OPCML: variants seen among roughly 807,000 people sequenced by gnomAD.
OPCML encodes opioid-binding protein/cell adhesion molecule.
OPCML carries 13 observed loss-of-function variants against 37.8 expected under a neutral mutation model. The observed-to-expected ratio is 0.34, with a 90% confidence interval of 0.22 to 0.55. The LOEUF is 0.55. Among genes scored for constraint, OPCML ranks in the 20% least tolerant of loss-of-function variants. The probability of loss-of-function intolerance (pLI) is 0.91; values close to 1 mark genes in which losing one functional copy is unlikely to be tolerated. For synonymous variants in OPCML, 176 were observed against 168.8 expected, an observed-to-expected ratio of 1.04 and a Z score of -0.33; for missense variants, 341 against 435.6, an observed-to-expected ratio of 0.78 and a Z score of 1.93.
intron 1 of OPCML, among the ~76,000 whole-genome samples, chr11:133,312,309 A>G (rs960150042): frequency 6.6e-6 from 1 of 152,196 alleles, no homozygotes; most frequent in South Asian, 2.1e-4. Context: ...CACCATCACT[A>G]CTATCACAAA....
chr11:132,926,167 C>A (rs1944982298), intron 2 of OPCML, among the ~76,000 whole-genome samples: 1 of 152,278 alleles, frequency 6.6e-6, no homozygotes, highest in Non-Finnish European at 1.5e-5. Context: ...TTCTTCAGAG[C>A]ACTCATCACT....
chr11:133,224,088 A>G (rs1375174548), intron 1 of OPCML, among the ~76,000 whole-genome samples: 2 of 152,222 alleles, frequency 1.3e-5, no homozygotes, highest in Non-Finnish European at 2.9e-5. Flanking sequence ...GATAACATTT[A>G]AAATGAACAG....
At chr11:133,185,012 T>A (rs1223401442) in intron 1 of OPCML, among the ~76,000 whole-genome samples, 1 of 152,220 alleles carries the variant, frequency 6.6e-6, no homozygotes, top group South Asian at 2.1e-4. Context: ...GACTCTACCA[T>A]ATTTCATTGC....
intron 1 of OPCML, among the ~76,000 whole-genome samples, chr11:133,050,801 G>C (rs1310481488): frequency 6.6e-6 from 1 of 151,082 alleles, no homozygotes; most frequent in African/African-American, 2.4e-5. Context: ...AACAATCCCA[G>C]AGAAAGAAGC....
intron 7 of OPCML, among the ~76,000 whole-genome samples, chr11:132,423,589 T>C (rs2095967479): frequency 6.6e-6 from 1 of 152,246 alleles, no homozygotes; most frequent in South Asian, 2.1e-4. Context: ...ATCTTTGCAG[T>C]AGCCCTGTGT....
At chr11:133,145,038 T>C (rs1949878574) in intron 1 of OPCML, among the ~76,000 whole-genome samples, 1 of 152,172 alleles carries the variant, frequency 6.6e-6, no homozygotes, top group African/African-American at 2.4e-5. Context: ...AGTCTTCAGG[T>C]GGCATGTGGG....
intron 1 of OPCML, among the ~76,000 whole-genome samples, chr11:133,190,954 A>G (rs1252576355): frequency 6.6e-6 from 1 of 151,548 alleles, no homozygotes; most frequent in Non-Finnish European, 1.5e-5. Context: ...ATAAATATTT[A>G]TGTGAAAGTT....
At chr11:132,649,449 C>G (rs1371416651) in intron 3 of OPCML, among the ~76,000 whole-genome samples, 2 of 152,084 alleles carry the variant, frequency 1.3e-5, no homozygotes, top group Non-Finnish European at 2.9e-5. Context: ...CGGGATAGGA[C>G]CACGGCATGG....
intron 2 of OPCML, among the ~76,000 whole-genome samples, chr11:132,715,040 C>A (rs1488211814): frequency 6.6e-6 from 1 of 152,154 alleles, no homozygotes; most frequent in Non-Finnish European, 1.5e-5. Flanking sequence ...ATCTTCCCTG[C>A]TCATGGGCAA....
At chr11:132,432,787 T>C (rs937772883) in intron 7 of OPCML, among the ~76,000 whole-genome samples, 6 of 152,128 alleles carry the variant, frequency 3.9e-5, no homozygotes, top group African/African-American at 1.4e-4. Context: ...CAAACAACTT[T>C]TGAAATATTA....
intron 1 of OPCML, among the ~76,000 whole-genome samples, chr11:133,345,216 A>G (rs190709529): frequency 6.6e-6 from 1 of 152,324 alleles, no homozygotes; most frequent in Admixed American, 6.5e-5. Flanking sequence ...GATACAAAAA[A>G]ATCTCAGGAT....
chr11:133,216,431 AG>A (rs1939589396), intron 1 of OPCML, among the ~76,000 whole-genome samples: 1 of 152,206 alleles, frequency 6.6e-6, no homozygotes, highest in Admixed American at 6.5e-5. Flanking sequence ...CTTAAATAAA[AG>A]TGCTACCAGC....
At chr11:132,868,504 A>C (rs1019625255) in intron 2 of OPCML, among the ~76,000 whole-genome samples, 6 of 126,012 alleles carry the variant, frequency 4.8e-5, no homozygotes, top group African/African-American at 1.3e-4. Context: ...TAAATAATTG[A>C]AAAAAACTTT....
At chr11:133,477,446 G>C (rs1437509980) in intron 1 of OPCML, among the ~76,000 whole-genome samples, 1 of 152,170 alleles carries the variant, frequency 6.6e-6, no homozygotes, top group Non-Finnish European at 1.5e-5. Context: ...GTGCACTAGA[G>C]GTGGCAGTGG....
intron 3 of OPCML, among the ~76,000 whole-genome samples, chr11:132,626,729 G>C (rs963256622): frequency 6.6e-6 from 1 of 150,550 alleles, no homozygotes; most frequent in Non-Finnish European, 1.5e-5. Flanking sequence ...TAATCAAGCT[G>C]CCCTGAGTTT....
At chr11:132,945,379 A>G (rs1021865702) in intron 1 of OPCML, among the ~76,000 whole-genome samples, 1 of 152,226 alleles carries the variant, frequency 6.6e-6, no homozygotes, top group South Asian at 2.1e-4. Context: ...CACAATAGTA[A>G]GGATTTGTGT....
At chr11:132,630,336 G>A (rs754397233) in intron 3 of OPCML, among the ~76,000 whole-genome samples, 40 of 152,158 alleles carry the variant, frequency 2.6e-4, no homozygotes, top group Non-Finnish European at 4.0e-4. Flanking sequence ...GAGGTGGGGC[G>A]GTCACGAGGT....
intron 1 of OPCML, among the ~76,000 whole-genome samples, chr11:133,425,115 A>T (rs557118104): frequency 6.6e-6 from 1 of 152,146 alleles, no homozygotes; most frequent in African/African-American, 2.4e-5. Flanking sequence ...GAATCATCCA[A>T]TTGTTTACTC....
chr11:132,752,278 AAG>A (rs567555055), intron 2 of OPCML, among the ~76,000 whole-genome samples: 1 of 152,002 alleles, frequency 6.6e-6, no homozygotes, highest in African/African-American at 2.4e-5. Flanking sequence ...AAAAAATTAA[AAG>A]AGAGAGAGAG....
Sources: gnomAD v4.1 joint callset for allele counts (sites outside exome capture counted in the v4.1 genomes callset) on GRCh38, gnomAD v4.1.1 for gene constraint, MANE v1.5 for transcripts, NCBI Gene and HGNC (gene_info 2026-07-23, HGNC 2026-07-21) for gene names.